Variants in SCAPER observed in about 807,000 individuals in gnomAD.
The protein encoded by SCAPER is S phase cyclin A-associated protein in the endoplasmic reticulum.
SCAPER carries 98 observed loss-of-function variants against 182.2 expected under a neutral mutation model. The ratio of observed to expected loss-of-function variants is 0.54; its 90% CI spans 0.46 to 0.64. The LOEUF (loss-of-function observed/expected upper bound fraction) is 0.64, where lower values mean the gene tolerates loss of function less well. Among genes scored for constraint, SCAPER ranks in the 30% least tolerant of loss-of-function variants. The pLI is 0.00. For synonymous variants in SCAPER, 605 were observed against 564.6 expected, an observed-to-expected ratio of 1.07 and a Z score of -1.01; for missense variants, 1,432 against 1,690.0, an observed-to-expected ratio of 0.85 and a Z score of 2.68.
chr15:76,460,949 G>A lies in SCAPER; in HGVS notation c.3078+10263C>T, dbSNP rs139547426. ...GCTCAAAACAATGAACTTATCTACA[G>A]ACCTTATAAGAGTTTTGCCAGTTTC... On this transcript the variant is annotated intron_variant, in intron 25 of 31. Transcript: ENST00000563290. Among the ~76,000 whole-genome samples, 1,322 of 152,162 alleles carry A rather than the reference G, an allele frequency of 8.7e-3. 8 individuals carry two copies. Among genetic ancestry groups the A allele is most frequent in the Non-Finnish European group, 0.015 (1,025 of 67,978 alleles).
intron 20 of SCAPER, among the ~76,000 whole-genome samples, chr15:76,676,526 T>A (rs891277453): frequency 6.6e-6 from 1 of 152,174 alleles, no homozygotes; most frequent in African/African-American, 2.4e-5. Flanking sequence ...ATAATTTTAT[T>A]TCTGAAAAAT....
chr15:76,861,615 T>C (rs1340931388), intron 3 of SCAPER, among the ~76,000 whole-genome samples: 1 of 152,208 alleles, frequency 6.6e-6, no homozygotes, highest in Non-Finnish European at 1.5e-5. Context: ...TGATTTTTTT[T>C]CTTGTTCAAA....
At chr15:76,849,730 A>C (rs149641891) in intron 4 of SCAPER, among the ~76,000 whole-genome samples, 4 of 152,332 alleles carry the variant, frequency 2.6e-5, no homozygotes, top group Non-Finnish European at 5.9e-5. Flanking sequence ...AAGCTTCAAC[A>C]CCAAAAATAC....
rs1275543071 is a variant in SCAPER at position 76,828,420 on chromosome 15, G to A, written c.393+13314C>T. ...AAAATCAATGCTCTATCATATTGAT[G>A]ATAATGTATATGAAAACTAGATATA... On this transcript the variant is annotated intron_variant, in intron 5 of 31. Transcript: ENST00000563290. Among the ~76,000 whole-genome samples the A allele has an allele frequency of 2.0e-5, 3 of 151,876 alleles. No individual in the cohort carries two copies. The East Asian group carries it at 5.8e-4, about 29-fold the overall frequency.
At chr15:76,640,846 G>A (rs906459417) in intron 21 of SCAPER, among the ~76,000 whole-genome samples, 2 of 152,216 alleles carry the variant, frequency 1.3e-5, no homozygotes, top group Non-Finnish European at 2.9e-5. Flanking sequence ...TAAGCCAACA[G>A]CACGTGATGT....
intron 23 of SCAPER, among the ~76,000 whole-genome samples, chr15:76,533,247 T>C (rs1488539908): frequency 6.6e-6 from 1 of 152,150 alleles, no homozygotes; most frequent in Non-Finnish European, 1.5e-5. Flanking sequence ...AAAAATCAAA[T>C]ACGTCAATAT....
intron 24 of SCAPER, among the ~76,000 whole-genome samples, chr15:76,495,060 T>G (rs2040361656): frequency 6.6e-6 from 1 of 152,064 alleles, no homozygotes; most frequent in Non-Finnish European, 1.5e-5. Flanking sequence ...ATAAATGCAA[T>G]ATGCCTGGCA....
intron 25 of SCAPER, among the ~76,000 whole-genome samples, chr15:76,470,467 T>C (rs1395369073): frequency 6.6e-6 from 1 of 152,174 alleles, no homozygotes; most frequent in Non-Finnish European, 1.5e-5. Context: ...CAATAGCTTG[T>C]AGTTTAAGGA....
intron 2 of SCAPER, among the ~76,000 whole-genome samples, chr15:76,882,261 T>C (rs890588226): frequency 6.6e-6 from 1 of 151,898 alleles, no homozygotes; most frequent in African/African-American, 2.4e-5. Flanking sequence ...AAAACTGGCA[T>C]GCACCTATAG....
At chr15:76,368,653 TG>T (rs2041960919) in intron 29 of SCAPER, among the ~76,000 whole-genome samples, 1 of 152,120 alleles carries the variant, frequency 6.6e-6, no homozygotes, top group Admixed American at 6.5e-5. Context: ...GAGAGCTCAA[TG>T]GGGGCAAAGG....
chr15:76,766,843 A>C, intron 11 of SCAPER, 75 bp downstream of exon 11: 1 of 1,246,876 alleles, frequency 8.0e-7, no homozygotes, highest in Admixed American at 2.6e-5. Context: ...ATGGACTCCA[A>C]GTCTTTCTGG....
intron 21 of SCAPER, among the ~76,000 whole-genome samples, chr15:76,646,495 C>T (rs2054561021): frequency 6.6e-6 from 1 of 152,136 alleles, no homozygotes; most frequent in Non-Finnish European, 1.5e-5. Flanking sequence ...CCTATTTCTA[C>T]CTCTACACAA....
intron 27 of SCAPER, among the ~76,000 whole-genome samples, chr15:76,394,052 C>T (rs192372823): frequency 6.6e-6 from 1 of 152,272 alleles, no homozygotes; most frequent in African/African-American, 2.4e-5. Flanking sequence ...TGTTTTATGC[C>T]ACTAAATTTT....
At chr15:76,360,907 G>A (rs1225598687) in intron 29 of SCAPER, among the ~76,000 whole-genome samples, 1 of 151,978 alleles carries the variant, frequency 6.6e-6, no homozygotes, top group Non-Finnish European at 1.5e-5. Flanking sequence ...GCCTTCTGGA[G>A]CAGCCTTGAC....
chr15:76,521,351 A>AATGT (rs2042820453), intron 23 of SCAPER, among the ~76,000 whole-genome samples: 1 of 151,200 alleles, frequency 6.6e-6, no homozygotes, highest in African/African-American at 2.4e-5. Flanking sequence ...ATATATAAGG[A>AATGT]ATGTATAGTT....
intron 20 of SCAPER, among the ~76,000 whole-genome samples, chr15:76,678,501 G>A (rs2057495043): frequency 6.6e-6 from 1 of 152,036 alleles, no homozygotes; most frequent in Non-Finnish European, 1.5e-5. Context: ...TAAATAGGAA[G>A]CATTTATAAT....
At chr15:76,506,980 C>T (rs749358759) in intron 23 of SCAPER, among the ~76,000 whole-genome samples, 4 of 152,064 alleles carry the variant, frequency 2.6e-5, no homozygotes, top group Non-Finnish European at 4.4e-5. Flanking sequence ...TTCTATGCTA[C>T]ACTGTATGTT....
At chr15:76,820,096 C>T (rs910473450) in intron 5 of SCAPER, among the ~76,000 whole-genome samples, 5 of 152,072 alleles carry the variant, frequency 3.3e-5, no homozygotes, top group African/African-American at 4.8e-5. Context: ...ACAACAGGTG[C>T]TGGAGAGGAT....
intron 8 of SCAPER, among the ~76,000 whole-genome samples, chr15:76,785,423 G>C (rs900559668): frequency 6.6e-6 from 1 of 152,356 alleles, no homozygotes; most frequent in South Asian, 2.1e-4. Context: ...CTTTTACACT[G>C]TTGGTGGGAG....
Sources: gnomAD v4.1 joint callset for allele counts (sites outside exome capture counted in the v4.1 genomes callset) on GRCh38, gnomAD v4.1.1 for gene constraint, MANE v1.5 for transcripts, NCBI Gene and HGNC (gene_info 2026-07-23, HGNC 2026-07-21) for gene names.